ALDH8A1: variants seen among roughly 807,000 people sequenced by gnomAD.
ALDH8A1 encodes the protein 2-aminomuconic semialdehyde dehydrogenase.
In ALDH8A1, 39 loss-of-function variants were observed where a neutral mutation model predicts 43.3. That is an observed-to-expected ratio of 0.90 (90% CI 0.70 to 1.18). ALDH8A1 has a LOEUF of 1.18. Ranked by LOEUF, ALDH8A1 falls within the 50% of genes most tolerant of loss-of-function variation. ALDH8A1 has a pLI of 0.00. For synonymous variants in ALDH8A1, 233 were observed against 243.5 expected, an observed-to-expected ratio of 0.96 and a Z score of 0.40; for missense variants, 605 against 622.6, an observed-to-expected ratio of 0.97 and a Z score of 0.30.
At chr6:134,930,960 G>T (rs2114689618) in intron 5 of ALDH8A1, among the ~76,000 whole-genome samples, 2 of 152,286 alleles carry the variant, frequency 1.3e-5, no homozygotes, top group Admixed American at 1.3e-4. Context: ...AAAAAGTTTT[G>T]AATTAGTACA....
At chr6:134,922,432 G>A (rs1323191626) in intron 6 of ALDH8A1, among the ~76,000 whole-genome samples, 2 of 151,990 alleles carry the variant, frequency 1.3e-5, no homozygotes, top group Non-Finnish European at 2.9e-5. Context: ...CTGTCACCCA[G>A]GCTGGAGTGC....
At position 134,933,044 on chromosome 6, in the gene ALDH8A1, A is replaced by T; in HGVS notation, c.593-12T>A. ...ACCTGGTGGAACACCTGGATAGGAA[A>T]CAGTATCAGTTATAGTAATTCTCAG... On this transcript the variant is annotated splice_polypyrimidine_tract_variant and intron_variant, in intron 4 of 6. Coordinates refer to ENST00000265605, the MANE Select transcript of ALDH8A1 (RefSeq NM_022568.4). 6.5e-7 allele frequency: 1 copy of T among 1,542,620 alleles called. No individual in the cohort carries two copies. The highest frequency in any genetic ancestry group is 2.3e-5 in the East Asian group (1 of 44,312).
chr6:134,919,279 T>C (rs913999406), intron 6 of ALDH8A1, among the ~76,000 whole-genome samples: 1 of 152,238 alleles, frequency 6.6e-6, no homozygotes, highest in Non-Finnish European at 1.5e-5. Context: ...CTCAGGTATA[T>C]TCTGTAGTTA....
Position 134,918,582 on chromosome 6 carries a change from G to T in ALDH8A1, c.1297C>A (p.Arg433=), listed in dbSNP as rs149565273. ...VWSSNVGRVH[R]VAKKLQSGLV... is the part of the protein sequence containing the mutation. ...CCAGACTGCAGCTTCTTAGCCACCCGGTGGACGCGCCCCACATTGCTGGAC... is the reference window on the plus strand; with the variant it reads ...CCAGACTGCAGCTTCTTAGCCACCCTGTGGACGCGCCCCACATTGCTGGAC... The change falls in exon 7 of 7, where the codon CGG becomes AGG. Residue 433 remains arginine (R), a synonymous_variant. Transcript: ENST00000265605. The T allele has an allele frequency of 3.1e-5, 50 of 1,614,062 alleles. No individual in the cohort carries two copies. Among genetic ancestry groups the T allele is most frequent in the Non-Finnish European group, 4.1e-5 (48 of 1,180,048 alleles).
In ALDH8A1 at chr6:134,922,512, C is replaced by A. The variant is rs931084602; in HGVS notation, c.1012-3645G>T. On this transcript the variant is annotated intron_variant, in intron 6 of 6. Transcript: ENST00000265605. ...AAGCGATTCTCCTGCCTCAGCCTCC[C>A]GAGTAGCTGGGGCTACAGGTGCGAG... Among the ~76,000 whole-genome samples, 6 of 151,968 alleles carry A rather than the reference C, an allele frequency of 3.9e-5. No individual in the cohort carries two copies. The East Asian group carries it at 9.7e-4, about 24-fold the overall frequency.
chr6:134,949,069 A>T (rs532794065), intron 1 of ALDH8A1, among the ~76,000 whole-genome samples: 64 of 151,702 alleles, frequency 4.2e-4, no homozygotes, highest in Admixed American at 1.0e-3. Context: ...CAATGTTCTT[A>T]AAAAAAAACT....
intron 4 of ALDH8A1, among the ~76,000 whole-genome samples, chr6:134,936,164 TGGTCTTGAACTCCTGACCTCA>T (rs1167142779): frequency 1.3e-5 from 2 of 152,236 alleles, no homozygotes; most frequent in Non-Finnish European, 2.9e-5. Context: ...TTAGCCAGGT[TGGTCTTGAACTCCTGACCTCA>T]GGTGATCCAC....
chr6:134,926,808 CAAA>C (rs11392777), intron 6 of ALDH8A1, among the ~76,000 whole-genome samples: 155 of 145,932 alleles, frequency 1.1e-3, no homozygotes, highest in East Asian at 5.7e-3. Context: ...GACTCTATCT[CAAA>C]AAAAAAAAAA....
intron 1 of ALDH8A1, among the ~76,000 whole-genome samples, chr6:134,949,095 AT>A (rs1332522871): frequency 2.6e-5 from 4 of 152,196 alleles, no homozygotes; most frequent in African/African-American, 7.2e-5. Context: ...TGGAATATAT[AT>A]TTTTATAGGA....
At chr6:134,925,053 C>T (rs997687543) in intron 6 of ALDH8A1, among the ~76,000 whole-genome samples, 22 of 152,044 alleles carry the variant, frequency 1.4e-4, no homozygotes, top group African/African-American at 4.8e-4. Flanking sequence ...TGTAGTAATG[C>T]TGTAGAAATC....
chr6:134,922,260 C>T (rs1776815313), intron 6 of ALDH8A1, among the ~76,000 whole-genome samples: 1 of 152,198 alleles, frequency 6.6e-6, no homozygotes, highest in South Asian at 2.1e-4. Flanking sequence ...CAAGGCAAGC[C>T]ACATAGATAG....
At chr6:134,939,867 A>T (rs1456225745) in intron 3 of ALDH8A1, among the ~76,000 whole-genome samples, 1 of 152,270 alleles carries the variant, frequency 6.6e-6, no homozygotes, top group Admixed American at 6.5e-5. Context: ...TGTGGTACAT[A>T]TACACAATGG....
In ALDH8A1 at chr6:134,949,082, G is replaced by T. The variant is rs149163599; in HGVS notation, c.138+834C>A. Among the ~76,000 whole-genome samples the T allele has an allele frequency of 2.0e-4, 31 of 152,064 alleles. 1 individual carries two copies. The highest frequency in any genetic ancestry group is 6.7e-4 in the African/African-American group (28 of 41,498). On this transcript the variant is annotated intron_variant, in intron 1 of 6. Coordinates refer to ENST00000265605, the MANE Select transcript of ALDH8A1 (RefSeq NM_022568.4). The stretch of plus-strand genomic sequence containing the variant: ...AGCAATGTTCTTAAAAAAAAACTTT[G>T]CATGGAATATATATTTTTATAGGAA...
At chr6:134,926,944 G>T (rs769063560) in intron 6 of ALDH8A1, among the ~76,000 whole-genome samples, 15 of 152,178 alleles carry the variant, frequency 9.9e-5, no homozygotes, top group Non-Finnish European at 1.9e-4. Context: ...AAGCTCAAAT[G>T]CTTGTCTTGA....
intron 5 of ALDH8A1, among the ~76,000 whole-genome samples, 169 bp from the exon 6 acceptor site, chr6:134,929,384 A>G (rs1160682415): frequency 6.6e-6 from 1 of 152,232 alleles, no homozygotes; most frequent in African/African-American, 2.4e-5. Flanking sequence ...TGTGGGAAAG[A>G]CAAATAAGAA....
intron 6 of ALDH8A1, among the ~76,000 whole-genome samples, chr6:134,925,069 T>C (rs953645831): frequency 5.3e-5 from 8 of 152,222 alleles, no homozygotes; most frequent in Admixed American, 3.3e-4. Flanking sequence ...AAATCTGAAA[T>C]TATTTTTGAT....
intron 1 of ALDH8A1, among the ~76,000 whole-genome samples, chr6:134,946,781 C>CGTGCACGCACAGGTGCGCATGTGT (rs1562261585): frequency 6.7e-6 from 1 of 148,488 alleles, no homozygotes; most frequent in Non-Finnish European, 1.5e-5. Flanking sequence ...CGCATGTGTG[C>CGTGCACGCACAGGTGCGCATGTGT]GCGCGCGCAC....
Position 134,918,853 on chromosome 6 carries a change from G to A in ALDH8A1, c.1026C>T (p.Val342=), listed in dbSNP as rs575696584. The A allele has an allele frequency of 7.4e-6, 12 of 1,613,888 alleles. No individual in the cohort carries two copies. Among genetic ancestry groups the A allele is most frequent in the African/African-American group, 2.7e-5 (2 of 75,048 alleles). The stretch of plus-strand genomic sequence containing the variant: ...GGGCACCTTCAGCAAGAGCTCTCTT[G>A]ACGTAACTTCTGACCTGCGTGGGTA... The part of the protein sequence containing the change: ...KAHLEKVRSY[V]KRALAEGAQI... The change falls in exon 7 of 7, where the codon GTC becomes GTT. Residue 342 remains valine (V), a synonymous_variant. Coordinates refer to ENST00000265605, the MANE Select transcript of ALDH8A1 (RefSeq NM_022568.4).
chr6:134,938,837 C>T (rs987358320), intron 4 of ALDH8A1, among the ~76,000 whole-genome samples: 2 of 151,900 alleles, frequency 1.3e-5, no homozygotes, highest in South Asian at 4.2e-4. Context: ...TTAGTAGAGA[C>T]GGGGTTTCAT....
Sources: allele counts gnomAD v4.1 joint callset (sites outside exome capture counted in the v4.1 genomes callset), GRCh38; gene constraint gnomAD v4.1.1; transcripts MANE v1.5; gene names NCBI Gene and HGNC (gene_info 2026-07-23, HGNC 2026-07-21).